MCM3AP: variants seen among roughly 807,000 people sequenced by gnomAD.
The protein encoded by MCM3AP is germinal-center associated nuclear protein.
Under a neutral mutation model 184.1 loss-of-function variants are expected in MCM3AP, and 126 were observed. That is an observed-to-expected ratio of 0.68 (90% CI 0.59 to 0.79). MCM3AP has a LOEUF of 0.79. MCM3AP is among the 30% of genes least tolerant of loss of function. The pLI, the probability that MCM3AP is intolerant of heterozygous loss-of-function variation, is 0.00. For missense variants in MCM3AP, 2,496 were observed against 2,479.2 expected, an observed-to-expected ratio of 1.01 and a Z score of -0.14; for synonymous variants, 1,002 against 979.3, an observed-to-expected ratio of 1.02 and a Z score of -0.43.
In MCM3AP at chr21:46,246,614, C is replaced by A; in HGVS notation, c.4549+14G>T. 1 of 1,606,884 alleles carries A rather than the reference C, an allele frequency of 6.2e-7. No individual in the cohort carries two copies. Among genetic ancestry groups the A allele is most frequent in the Non-Finnish European group, 8.5e-7 (1 of 1,173,998 alleles). ...AAACAATGCTGCTTCATAAACGAGACTTCCTTCACAAACCATCTTCTACTT... is the reference window on the plus strand; with the variant it reads ...AAACAATGCTGCTTCATAAACGAGAATTCCTTCACAAACCATCTTCTACTT... On this transcript the variant is annotated intron_variant, in intron 21 of 27. Transcript: ENST00000291688.
In MCM3AP at chr21:46,260,849, C is replaced by T; in HGVS notation, c.3525G>A (p.Glu1175=). The T allele has an allele frequency of 6.2e-7, 1 of 1,614,208 alleles. No homozygotes were observed. Among genetic ancestry groups the T allele is most frequent in the Non-Finnish European group, 8.5e-7 (1 of 1,180,024 alleles). The change falls in exon 15 of 28, where the codon GAG becomes GAA. Residue 1175 remains glutamate (E), a synonymous_variant. Transcript: ENST00000291688. ...LSELSQGLAV[E]LMERVMMEFV... ...ACTCCATCATCACGCGTTCCATCAGCTCCACGGCCAGGCCCTGGCTCAGCT... is the reference window on the plus strand; with the variant it reads ...ACTCCATCATCACGCGTTCCATCAGTTCCACGGCCAGGCCCTGGCTCAGCT...
chr21:46,239,499 C>G (rs370407320), intron 26 of MCM3AP, among the ~76,000 whole-genome samples: 191 of 152,332 alleles, frequency 1.3e-3, no homozygotes, highest in Non-Finnish European at 2.5e-3. Flanking sequence ...GGCACCTGAT[C>G]TAGGCAGCTG....
rs2145645270 is a variant in MCM3AP at position 46,254,820 on chromosome 21, T to C, written c.3957A>G (p.Thr1319=). 1 of 1,614,170 alleles carries C rather than the reference T, an allele frequency of 6.2e-7. No homozygotes were observed. The highest frequency in any genetic ancestry group is 1.1e-5 in the South Asian group (1 of 91,084). The change falls in exon 18 of 28, where the codon ACA becomes ACG. Residue 1319 remains threonine (T), a synonymous_variant. Coordinates refer to ENST00000291688, the MANE Select transcript of MCM3AP (RefSeq NM_003906.5). ...CTRLRRLRNK[T]AHQMKVQHFY... The stretch of plus-strand genomic sequence containing the variant: ...AGTGCTGAACCTTCATCTGGTGAGC[T>C]GTCTTGTTTCTGAGCCGCCTTAACC...
Position 46,256,260 on chromosome 21 carries a change from C to T in MCM3AP, c.3932+529G>A, listed in dbSNP as rs556668956. The stretch of plus-strand genomic sequence containing the variant: ...ATGGCCCTGAGGAGCCGGTTCTGCT[C>T]GGGGTAACCAGGAGGAGTGGCAGGG... On this transcript the variant is annotated intron_variant, in intron 17 of 27. Transcript: ENST00000291688. Among the ~76,000 whole-genome samples the T allele has an allele frequency of 3.3e-5, 5 of 152,136 alleles. 1 individual carries two copies. The highest frequency in any genetic ancestry group is 2.4e-5 in the African/African-American group (1 of 41,518).
intron 4 of MCM3AP, among the ~76,000 whole-genome samples, chr21:46,278,338 GCATT>G (rs1354476231): frequency 2.0e-5 from 3 of 152,142 alleles, no homozygotes; most frequent in Non-Finnish European, 4.4e-5. Flanking sequence ...AAGGAATCAG[GCATT>G]CTCTCTCAGC....
chr21:46,248,966 T>C (rs896048142), intron 20 of MCM3AP, among the ~76,000 whole-genome samples: 4 of 152,018 alleles, frequency 2.6e-5, no homozygotes, highest in Admixed American at 1.3e-4. Flanking sequence ...CATAAAGACA[T>C]GAAAATGTCC....
At chr21:46,245,334 G>T (rs567844282) in intron 22 of MCM3AP, 137 bp from the exon 23 acceptor site, 20 of 743,488 alleles carry the variant, frequency 2.7e-5, no homozygotes, top group Admixed American at 2.3e-4. Context: ...GTAGGAAGGG[G>T]AACAGAAGTG....
chr21:46,268,697 G>A (rs534698100), intron 9 of MCM3AP, among the ~76,000 whole-genome samples: 10 of 152,364 alleles, frequency 6.6e-5, no homozygotes, highest in African/African-American at 2.4e-4. Flanking sequence ...GTGCGCCACT[G>A]CCGGTGAAGA....
At chr21:46,247,115 C>G in intron 20 of MCM3AP, 1 of 498,710 alleles carries the variant, frequency 2.0e-6, no homozygotes, top group Non-Finnish European at 3.5e-6. Context: ...GCAAAGACTC[C>G]CCTCAACCTT....
At position 46,246,734 on chromosome 21, in the gene MCM3AP, C is replaced by T; in HGVS notation, c.4443G>A (p.Leu1481=). The T allele has an allele frequency of 6.2e-7, 1 of 1,614,256 alleles. No individual in the cohort carries two copies. The highest frequency in any genetic ancestry group is 8.5e-7 in the Non-Finnish European group (1 of 1,180,048). The change falls in exon 21 of 28, where the codon CTG becomes CTA. Residue 1481 remains leucine (L), a synonymous_variant. Coordinates refer to ENST00000291688, the MANE Select transcript of MCM3AP (RefSeq NM_003906.5). The stretch of plus-strand genomic sequence containing the variant: ...TAGCCTGCAGGAGCTGCTTGAGCTG[C>T]AGCAAGGCCGACAGCCAGTACACGT... ...EEDVYWLSAL[L]QLKQLLQAKP...
intron 27 of MCM3AP, among the ~76,000 whole-genome samples, chr21:46,235,985 G>A (rs1452687918): frequency 1.3e-5 from 2 of 152,186 alleles, no homozygotes; most frequent in African/African-American, 4.8e-5. Context: ...TCTATCACAT[G>A]AATGTGTTAT....
At chr21:46,237,049 T>C (rs1270757154) in intron 26 of MCM3AP, 70 bp from the exon 27 acceptor site, 1 of 810,100 alleles carries the variant, frequency 1.2e-6, no homozygotes, top group East Asian at 3.2e-5. Context: ...ATTAATCTTC[T>C]ATATATACTT....
At chr21:46,265,640 C>A (rs2081101579) in intron 11 of MCM3AP, 117 bp from the exon 12 acceptor site, 1 of 872,696 alleles carries the variant, frequency 1.1e-6, no homozygotes, top group African/African-American at 1.7e-5. Flanking sequence ...TGAGGACTGG[C>A]CTGCCCTCCA....
At chr21:46,261,466 G>A (rs868531861) in intron 13 of MCM3AP, 55 bp from the exon 14 acceptor site, 2 of 1,567,308 alleles carry the variant, frequency 1.3e-6, no homozygotes, top group South Asian at 1.1e-5. Flanking sequence ...CGGGTGCGGT[G>A]GCTCACGCCT....
In MCM3AP at chr21:46,280,017, C is replaced by T. The variant is rs2081310668; in HGVS notation, c.1643G>A (p.Gly548Asp). ...SPLGKAAGRTGASSLLNKSSP... is the reference protein window; with the variant it reads ...SPLGKAAGRTDASSLLNKSSP... ...CCTTTTATTCAGGAGGCTGCTAGCA[C>T]CAGTCCTCCCTGCGGCCTTGCCAAG... Residue 548 changes from glycine to aspartate, a missense_variant, in exon 4 of 28, where the codon GGT becomes GAT. This residue lies in a region of MCM3AP where 800 missense variants were observed against 717.1 expected (regional missense o/e 1.12). Coordinates refer to ENST00000291688, the MANE Select transcript of MCM3AP (RefSeq NM_003906.5). 6.2e-7 allele frequency: 1 copy of T among 1,613,656 alleles called. No homozygotes were observed. Among genetic ancestry groups the T allele is most frequent in the African/African-American group, 1.3e-5 (1 of 75,002 alleles).
intron 19 of MCM3AP, chr21:46,253,457 A>G (rs1344124681): frequency 1.3e-5 from 2 of 152,208 alleles, no homozygotes; most frequent in African/African-American, 4.8e-5. Flanking sequence ...GTAATCCCCA[A>G]TGTTGGAGGA....
In MCM3AP at chr21:46,273,875, G is replaced by A. The variant is rs559660319; in HGVS notation, c.1999-290C>T. Among the ~76,000 whole-genome samples the A allele has an allele frequency of 1.1e-4, 16 of 152,330 alleles. No homozygotes were observed. In the South Asian group the frequency reaches 2.5e-3, roughly 24 times the overall value. On this transcript the variant is annotated intron_variant, in intron 6 of 27. Transcript: ENST00000291688. ...CTGCTAGCCTCCAAAGCAGAGAGAC[G>A]GGACAGGGAAGGGCCTCAAGCACTT...
At position 46,243,505 on chromosome 21, in the gene MCM3AP, C is replaced by T. The variant is rs1300508555; in HGVS notation, c.5256G>A (p.Lys1752=). 15 of 1,613,832 alleles carry T rather than the reference C, an allele frequency of 9.3e-6. No homozygotes were observed. Among genetic ancestry groups the T allele is most frequent in the Non-Finnish European group, 1.0e-5 (12 of 1,179,838 alleles). ...GCCGGGGGGGCGTCCAGTCTCTCAG[C>T]TTGTGGTTGATACACAAGGCGATAA... The part of the protein sequence containing the change: ...DDLIALCINH[K]LRDWTPPRLP... Residue 1752 remains lysine (K), a synonymous_variant, in exon 24 of 28, where the codon AAG becomes AAA. Transcript: ENST00000291688.
chr21:46,260,645 G>T (rs2081029623), intron 15 of MCM3AP, 148 bp downstream of exon 15: 2 of 614,712 alleles, frequency 3.3e-6, no homozygotes. Context: ...ACAGAGGACT[G>T]CATCAAATAC....
Sources: allele counts gnomAD v4.1 joint callset (sites outside exome capture counted in the v4.1 genomes callset), GRCh38; gene constraint gnomAD v4.1.1; regional missense constraint gnomAD v4.1.1; transcripts MANE v1.5; gene names NCBI Gene and HGNC (gene_info 2026-07-23, HGNC 2026-07-21).